Variants in SGCD observed in about 807,000 individuals in gnomAD.
The protein encoded by SGCD is sarcoglycan delta.
A neutral mutation model predicts 36.6 loss-of-function variants in SGCD; 18 were observed. That is an observed-to-expected ratio of 0.49 (90% CI 0.34 to 0.73). The LOEUF (loss-of-function observed/expected upper bound fraction) is 0.73, where lower values mean the gene tolerates loss of function less well. Among genes scored for constraint, SGCD ranks in the 30% least tolerant of loss-of-function variants. The pLI is 0.01. For synonymous variants in SGCD, 133 were observed against 130.6 expected, an observed-to-expected ratio of 1.02 and a Z score of -0.12; for missense variants, 387 against 346.7, an observed-to-expected ratio of 1.12 and a Z score of -0.92.
chr5:156,472,860 T>C (rs1046212450), intron 3 of SGCD, among the ~76,000 whole-genome samples: 4 of 152,224 alleles, frequency 2.6e-5, no homozygotes, highest in African/African-American at 9.6e-5. Flanking sequence ...GAAATGTTTG[T>C]CTATGGGATT....
intron 3 of SGCD, among the ~76,000 whole-genome samples, chr5:156,357,849 T>C (rs563713293): frequency 6.6e-6 from 1 of 152,330 alleles, no homozygotes; most frequent in Admixed American, 6.5e-5. Context: ...TTCCTAGGTC[T>C]CATGCCTAAT....
intron 3 of SGCD, among the ~76,000 whole-genome samples, chr5:156,253,273 G>A (rs184063457): frequency 3.9e-5 from 6 of 152,256 alleles, no homozygotes; most frequent in Non-Finnish European, 7.4e-5. Flanking sequence ...TATGATCCAC[G>A]AGTCTCCATC....
chr5:156,512,883 C>A (rs573107459), intron 4 of SGCD, among the ~76,000 whole-genome samples: 1 of 151,994 alleles, frequency 6.6e-6, no homozygotes, highest in South Asian at 2.1e-4. Flanking sequence ...TTTATAAAGA[C>A]CTTTTTTAAA....
At chr5:156,054,518 C>A (rs891678102) in intron 1 of SGCD, among the ~76,000 whole-genome samples, 1 of 146,004 alleles carries the variant, frequency 6.8e-6, no homozygotes, top group Non-Finnish European at 1.5e-5. Flanking sequence ...ATCTCCTGAC[C>A]TCGTGATCCA....
At chr5:155,812,570 C>T in the SGCD span, among the ~76,000 whole-genome samples, 1 of 152,272 alleles carries the variant, frequency 6.6e-6, no homozygotes, top group South Asian at 2.1e-4. Context: ...TGAATTCTGC[C>T]TTCAGCATGT....
At chr5:156,406,441 T>C (rs1772413855) in intron 3 of SGCD, among the ~76,000 whole-genome samples, 1 of 152,056 alleles carries the variant, frequency 6.6e-6, no homozygotes, top group South Asian at 2.1e-4. Context: ...TCTCCTCTCC[T>C]CTTCTCTTTA....
chr5:156,273,889 C>T (rs1021167008), intron 3 of SGCD, among the ~76,000 whole-genome samples: 3 of 152,040 alleles, frequency 2.0e-5, no homozygotes, highest in Non-Finnish European at 4.4e-5. Context: ...TTGTTGGGAG[C>T]GTAGGTAAAT....
At chr5:156,715,995 C>T (rs1035483185) in intron 7 of SGCD, among the ~76,000 whole-genome samples, 15 of 152,118 alleles carry the variant, frequency 9.9e-5, no homozygotes, top group African/African-American at 3.6e-4. Context: ...TGAAGCAGGG[C>T]ACTGACAGCA....
chr5:156,556,993 C>T (rs565525276), intron 4 of SGCD, among the ~76,000 whole-genome samples: 1 of 152,170 alleles, frequency 6.6e-6, no homozygotes, highest in African/African-American at 2.4e-5. Context: ...GTGTACCTTG[C>T]TGTCTGTTCT....
Position 156,296,504 on chromosome 5 carries a change from C to T in SGCD, c.-43-33030C>T, listed in dbSNP as rs935884920. Among the ~76,000 whole-genome samples the T allele has an allele frequency of 3.9e-5, 6 of 152,182 alleles. No individual in the cohort carries two copies. The South Asian group carries it at 1.2e-3, about 32-fold the overall frequency. ...ACCTTAACACTGCATTTTCATTTGT[C>T]TCTAAGTGTTTTCTAATGCCTCTTG... On this transcript the variant is annotated intron_variant, in intron 3 of 9. Transcript: ENST00000517913.
chr5:156,168,371 CA>C (rs76065330), intron 3 of SGCD, among the ~76,000 whole-genome samples: 67,545 of 145,162 alleles, frequency 0.47, 15,519 homozygotes, highest in East Asian at 0.6. Context: ...CCTATCTCTA[CA>C]AAAAAAAAAA....
the SGCD span, among the ~76,000 whole-genome samples, chr5:155,817,205 T>C: frequency 2.7e-4 from 41 of 152,204 alleles, no homozygotes; most frequent in Non-Finnish European, 1.0e-4. Flanking sequence ...TATTTTATTC[T>C]TGGTAATGCT....
intron 6 of SGCD, among the ~76,000 whole-genome samples, chr5:156,637,658 C>T (rs557307593): frequency 2.0e-5 from 3 of 152,214 alleles, no homozygotes; most frequent in African/African-American, 7.2e-5. Flanking sequence ...GGACATTTTG[C>T]TCCCATAAAT....
intron 7 of SGCD, among the ~76,000 whole-genome samples, chr5:156,668,981 C>G (rs886528119): frequency 6.6e-6 from 1 of 152,124 alleles, no homozygotes; most frequent in Non-Finnish European, 1.5e-5. Flanking sequence ...AAAAAAGGGC[C>G]TGGGTCAGCA....
At chr5:155,788,460 A>C in the SGCD span, among the ~76,000 whole-genome samples, 2 of 152,156 alleles carry the variant, frequency 1.3e-5, no homozygotes, top group African/African-American at 4.8e-5. Context: ...TTTGCACCAG[A>C]TTAAGATTGT....
In SGCD at chr5:156,056,170, G is replaced by C. The variant is rs1401429734; in HGVS notation, c.-281-61708G>C. ...ACAATGACAGAGATCTGACCTAACT[G>C]ACTCCATCTTACTTCTAACCTCCAA... On this transcript the variant is annotated intron_variant, in intron 1 of 9. Transcript: ENST00000517913. Among the ~76,000 whole-genome samples the C allele has an allele frequency of 4.8e-5, 7 of 145,672 alleles. No homozygotes were observed. The Admixed American group carries it at 4.8e-4, about 10-fold the overall frequency.
intron 3 of SGCD, among the ~76,000 whole-genome samples, chr5:156,131,803 C>G (rs1762330901): frequency 6.6e-6 from 1 of 152,144 alleles, no homozygotes; most frequent in South Asian, 2.1e-4. Flanking sequence ...TGGCCTGAAA[C>G]TATTTAGCAT....
intron 1 of SGCD, among the ~76,000 whole-genome samples, chr5:156,033,877 C>A (rs1759422342): frequency 6.6e-6 from 1 of 152,068 alleles, no homozygotes; most frequent in South Asian, 2.1e-4. Flanking sequence ...GCTCACATTG[C>A]CCATTTTTGC....
intron 6 of SGCD, 108 bp from the exon 7 acceptor site, chr5:156,647,356 G>A: frequency 4.4e-6 from 3 of 681,706 alleles, no homozygotes; most frequent in Non-Finnish European, 7.8e-6. Context: ...TGTGGGTATG[G>A]GGTTGTGTAA....
Sources: allele counts gnomAD v4.1 joint callset (sites outside exome capture counted in the v4.1 genomes callset), GRCh38; gene constraint gnomAD v4.1.1; transcripts MANE v1.5; gene names NCBI Gene and HGNC (gene_info 2026-07-23, HGNC 2026-07-21).